Variants in RORA observed in about 807,000 individuals in gnomAD.
RORA encodes the protein RAR related orphan receptor A, also known as nuclear receptor ROR-alpha.
RORA carries 7 observed loss-of-function variants against 69.5 expected under a neutral mutation model. That is an observed-to-expected ratio of 0.10 (90% CI 0.06 to 0.19). RORA has a LOEUF of 0.19. Among genes scored for constraint, RORA ranks in the 10% least tolerant of loss-of-function variants. RORA has a pLI of 1.00. For missense variants in RORA, 457 were observed against 663.0 expected, an observed-to-expected ratio of 0.69 and a Z score of 3.41; for synonymous variants, 261 against 240.8, an observed-to-expected ratio of 1.08 and a Z score of -0.78.
intron 1 of RORA, chr15:61,181,401 A>G (rs983449623): frequency 6.6e-6 from 1 of 152,210 alleles, no homozygotes; most frequent in Admixed American, 6.5e-5. Flanking sequence ...GCAAATGGTA[A>G]GGCAAGAATT....
At chr15:60,981,203 A>G (rs559644333) in intron 1 of RORA, among the ~76,000 whole-genome samples, 1 of 152,026 alleles carries the variant, frequency 6.6e-6, no homozygotes, top group East Asian at 1.9e-4. Context: ...CTTCTATATA[A>G]TAAGTTGCTT....
chr15:60,848,658 G>A (rs1034830524), intron 1 of RORA: 1 of 153,970 alleles, frequency 6.5e-6, no homozygotes, highest in African/African-American at 2.4e-5. Flanking sequence ...AGCATGGCTG[G>A]GGAGGCCTCA....
chr15:61,184,986 C>CA (rs775960162), intron 1 of RORA, among the ~76,000 whole-genome samples: 1,021 of 59,620 alleles, frequency 0.017, 26 homozygotes, highest in African/African-American at 0.053. Flanking sequence ...CCCTGTCTCT[C>CA]AAAAAAAAAA....
intron 3 of RORA, among the ~76,000 whole-genome samples, chr15:60,516,029 TTA>T (rs1567051456): frequency 2.4e-4 from 2 of 8,166 alleles, no homozygotes; most frequent in African/African-American, 2.9e-4. Context: ...ATTTATATAT[TTA>T]TATATATTTA....
intron 1 of RORA, among the ~76,000 whole-genome samples, chr15:60,947,326 A>G (rs1233420798): frequency 1.3e-5 from 2 of 151,686 alleles, no homozygotes; most frequent in East Asian, 1.9e-4. Context: ...GACATAGGAG[A>G]CTCCATTTTG....
intron 1 of RORA, among the ~76,000 whole-genome samples, chr15:60,695,890 G>T (rs537725748): frequency 6.6e-6 from 1 of 152,056 alleles, no homozygotes; most frequent in Non-Finnish European, 1.5e-5. Flanking sequence ...TCAGTCAGGA[G>T]CATCAGTCGC....
chr15:60,745,683 G>A (rs1042949222), intron 1 of RORA, among the ~76,000 whole-genome samples: 1 of 152,196 alleles, frequency 6.6e-6, no homozygotes. Flanking sequence ...CCTCTTGAGC[G>A]ATTCCAGCTG....
chr15:60,652,670 T>C (rs914309827), intron 2 of RORA, among the ~76,000 whole-genome samples: 2 of 152,218 alleles, frequency 1.3e-5, no homozygotes, highest in African/African-American at 4.8e-5. Context: ...TCTAGAAAAC[T>C]AATCCCTTCC....
At chr15:61,035,680 A>C (rs1056279478) in intron 1 of RORA, among the ~76,000 whole-genome samples, 1 of 152,178 alleles carries the variant, frequency 6.6e-6, no homozygotes, top group Non-Finnish European at 1.5e-5. Context: ...TCACTATGAA[A>C]TGTCATTTTT....
At chr15:61,004,840 A>G (rs1894864173) in intron 1 of RORA, among the ~76,000 whole-genome samples, 1 of 152,246 alleles carries the variant, frequency 6.6e-6, no homozygotes, top group Non-Finnish European at 1.5e-5. Flanking sequence ...TATGCAAACT[A>G]AAATGTGTTA....
At chr15:61,132,996 G>A (rs947946154) in intron 1 of RORA, among the ~76,000 whole-genome samples, 2 of 152,068 alleles carry the variant, frequency 1.3e-5, no homozygotes, top group African/African-American at 4.8e-5. Flanking sequence ...TTTTTTATTA[G>A]CTTCATCCAA....
chr15:60,646,860 C>T (rs1210794129), intron 2 of RORA, among the ~76,000 whole-genome samples: 4 of 152,338 alleles, frequency 2.6e-5, no homozygotes, highest in African/African-American at 9.6e-5. Context: ...TCCGTTTCCT[C>T]ACCCAGTGAT....
At chr15:61,066,721 C>G (rs571109666) in intron 1 of RORA, among the ~76,000 whole-genome samples, 1 of 151,860 alleles carries the variant, frequency 6.6e-6, no homozygotes, top group Non-Finnish European at 1.5e-5. Context: ...AGCCACTATG[C>G]CCCGCTGGCA....
At chr15:60,669,716 CAT>C (rs1218858070) in intron 2 of RORA, among the ~76,000 whole-genome samples, 2 of 152,224 alleles carry the variant, frequency 1.3e-5, no homozygotes, top group African/African-American at 2.4e-5. Context: ...GCTCACCACA[CAT>C]GTTCCCAACT....
At chr15:61,008,204 TGTGTGTG>T (rs1894981971) in intron 1 of RORA, among the ~76,000 whole-genome samples, 2 of 14,198 alleles carry the variant, frequency 1.4e-4, no homozygotes, top group African/African-American at 2.2e-4. Flanking sequence ...TCTCTCTCTC[TGTGTGTG>T]TGTGTGTGTG....
chr15:61,015,050 C>T (rs764143278), intron 1 of RORA, among the ~76,000 whole-genome samples: 4 of 152,198 alleles, frequency 2.6e-5, no homozygotes, highest in South Asian at 2.1e-4. Flanking sequence ...GCCCGAAGCT[C>T]GTTAAACTAC....
chr15:61,119,463 T>C (rs929430507), intron 1 of RORA, among the ~76,000 whole-genome samples: 3 of 151,352 alleles, frequency 2.0e-5, no homozygotes, highest in African/African-American at 7.3e-5. Flanking sequence ...CACACAAATA[T>C]ATATATATAC....
At chr15:60,571,023 A>C (rs1452571841) in intron 2 of RORA, among the ~76,000 whole-genome samples, 1 of 152,178 alleles carries the variant, frequency 6.6e-6, no homozygotes, top group Non-Finnish European at 1.5e-5. Context: ...AATGGCAGAT[A>C]AAAGTTCTTT....
intron 1 of RORA, among the ~76,000 whole-genome samples, chr15:60,829,765 T>A (rs530031004): frequency 6.6e-6 from 1 of 152,362 alleles, no homozygotes; most frequent in Admixed American, 6.5e-5. Context: ...GTGCTGGTGA[T>A]GATCTCTGGC....
Sources: allele counts gnomAD v4.1 joint callset (sites outside exome capture counted in the v4.1 genomes callset), GRCh38; gene constraint gnomAD v4.1.1; transcripts MANE v1.5; gene names NCBI Gene and HGNC (gene_info 2026-07-23, HGNC 2026-07-21).